The following DNAAF11 variants were observed in gnomAD, a reference collection of about 807,000 sequenced individuals.
DNAAF11 encodes the protein dynein axonemal assembly factor 11.
Under a neutral mutation model 60.8 loss-of-function variants are expected in DNAAF11, and 45 were observed. That is an observed-to-expected ratio of 0.74 (90% CI 0.58 to 0.95). The LOEUF is 0.95. DNAAF11 is among the 40% of genes least tolerant of loss of function. The pLI is 0.00. For synonymous variants in DNAAF11, 191 were observed against 183.5 expected (o/e 1.04, Z -0.33); for missense variants, 546 against 546.2 (o/e 1.00, Z 0.00).
At chr8:132,634,194 ATGGGCTGCAGATT>A (rs2130480155) in intron 4 of DNAAF11, among the ~76,000 whole-genome samples, 1 of 152,330 alleles carries the variant, frequency 6.6e-6, no homozygotes, top group African/African-American at 2.4e-5. Flanking sequence ...GTTGCTATAG[ATGGGCTGCAGATT>A]TGGTTCTGAG....
the DNAAF11 span, among the ~76,000 whole-genome samples, chr8:132,699,456 A>T: frequency 0.42 from 63,735 of 151,876 alleles, 15,486 homozygotes; most frequent in African/African-American, 0.68. Flanking sequence ...AAGGAAGCCA[A>T]GTGGCCTGAT....
chr8:132,653,199 T>C (rs758391515), intron 3 of DNAAF11, among the ~76,000 whole-genome samples: 33 of 151,778 alleles, frequency 2.2e-4, no homozygotes, highest in Admixed American at 3.9e-4. Flanking sequence ...GAAAAGATAA[T>C]AGGTAGATGG....
the DNAAF11 span, among the ~76,000 whole-genome samples, chr8:132,697,578 A>G: frequency 6.6e-6 from 1 of 151,866 alleles, no homozygotes; most frequent in South Asian, 2.1e-4. Flanking sequence ...AGATTTTGCC[A>G]CTGCACCCCA....
At chr8:132,621,234 C>T (rs1819730396) in intron 7 of DNAAF11, among the ~76,000 whole-genome samples, 1 of 152,122 alleles carries the variant, frequency 6.6e-6, no homozygotes, top group Admixed American at 6.5e-5. Flanking sequence ...AGTGAACCCT[C>T]CACTTCAGTT....
rs867995678 is a variant in DNAAF11, at chr8:132,674,127, G to C, written c.10+1357C>G. ...GGAGGAGGAGCAGGAGGAGGAGGAG[G>C]AGGAGGAGAAGGAGGAGGAAGAGGA... On this transcript the variant is annotated intron_variant, in intron 1 of 11. Coordinates refer to ENST00000620350, the MANE Select transcript of DNAAF11 (RefSeq NM_012472.6). 7.7e-3 allele frequency among the ~76,000 whole-genome samples: 986 copies of C among 128,866 alleles called. 12 individuals carry two copies. The highest frequency in any genetic ancestry group is 0.03 in the African/African-American group (764 of 25,282). 84.5% of individuals were successfully genotyped at this position (128,866 alleles called of 152,430 possible).
At chr8:132,681,144 G>A in the DNAAF11 span, among the ~76,000 whole-genome samples, 1 of 147,262 alleles carries the variant, frequency 6.8e-6, no homozygotes, top group African/African-American at 2.5e-5. Context: ...CCAAGTAGCT[G>A]GGATTAAAGG....
intron 10 of DNAAF11, among the ~76,000 whole-genome samples, chr8:132,584,958 C>T (rs16904708): frequency 0.026 from 4,012 of 152,228 alleles, 204 homozygotes; most frequent in African/African-American, 0.091. Context: ...TAACACTAAG[C>T]CACATTCTCC....
chr8:132,696,878 G>A, the DNAAF11 span, among the ~76,000 whole-genome samples: 1 of 152,144 alleles, frequency 6.6e-6, no homozygotes, highest in East Asian at 1.9e-4. Context: ...AGCAGACACT[G>A]AGGCCACTTG....
intron 3 of DNAAF11, among the ~76,000 whole-genome samples, chr8:132,654,235 A>C (rs1323176057): frequency 1.3e-5 from 2 of 152,116 alleles, no homozygotes; most frequent in Non-Finnish European, 2.9e-5. Flanking sequence ...AAAATATTAT[A>C]AACATATATG....
Position 132,613,479 on chromosome 8 carries a change from C to A in DNAAF11, c.974+1559G>T, listed in dbSNP as rs747684740. Among the ~76,000 whole-genome samples, 5 of 152,104 alleles carry A rather than the reference C, an allele frequency of 3.3e-5. 1 individual carries two copies. The highest frequency in any genetic ancestry group is 6.5e-5 in the Admixed American group (1 of 15,270). ...ATTAATATGAAATATCCCAAATAGGCAAATCTATAGAGACAGAAAACAGAT... is the reference window on the plus strand; with the variant it reads ...ATTAATATGAAATATCCCAAATAGGAAAATCTATAGAGACAGAAAACAGAT... On this transcript the variant is annotated intron_variant, in intron 8 of 11. Transcript: ENST00000620350.
chr8:132,669,479 G>C (rs1173317709), intron 1 of DNAAF11, among the ~76,000 whole-genome samples: 1 of 152,214 alleles, frequency 6.6e-6, no homozygotes, highest in Admixed American at 6.5e-5. Flanking sequence ...AGAAATGTGA[G>C]AGAAACTGTA....
At chr8:132,700,041 G>A in the DNAAF11 span, among the ~76,000 whole-genome samples, 25 of 152,130 alleles carry the variant, frequency 1.6e-4, no homozygotes, top group African/African-American at 5.3e-4. Context: ...ACAGTGTTGT[G>A]GTTCACAACA....
the DNAAF11 span, among the ~76,000 whole-genome samples, chr8:132,700,762 T>C: frequency 6.6e-6 from 1 of 151,976 alleles, no homozygotes; most frequent in African/African-American, 2.4e-5. Context: ...GTCCCCAAGG[T>C]TTGGGGTCTG....
At chr8:132,687,235 T>C in the DNAAF11 span, among the ~76,000 whole-genome samples, 2 of 152,230 alleles carry the variant, frequency 1.3e-5, no homozygotes, top group African/African-American at 2.4e-5. Flanking sequence ...ATATTTACAG[T>C]TATTTCCATT....
the DNAAF11 span, among the ~76,000 whole-genome samples, chr8:132,701,938 A>G: frequency 5.3e-5 from 8 of 152,148 alleles, no homozygotes; most frequent in Non-Finnish European, 1.2e-4. Flanking sequence ...CTTGCAGCCA[A>G]GATAATTTTC....
intron 10 of DNAAF11, among the ~76,000 whole-genome samples, chr8:132,595,706 T>C (rs1429465958): frequency 6.6e-6 from 1 of 152,206 alleles, no homozygotes; most frequent in Non-Finnish European, 1.5e-5. Context: ...CTTTACATTG[T>C]GTTCTATTTC....
chr8:132,612,796 A>G (rs943109242), intron 8 of DNAAF11, among the ~76,000 whole-genome samples: 1 of 152,168 alleles, frequency 6.6e-6, no homozygotes, highest in Non-Finnish European at 1.5e-5. Flanking sequence ...ATGTGCCCAT[A>G]AAGATAACCA....
At chr8:132,589,513 T>C (rs1157790880) in intron 10 of DNAAF11, among the ~76,000 whole-genome samples, 3 of 152,222 alleles carry the variant, frequency 2.0e-5, no homozygotes, top group Non-Finnish European at 2.9e-5. Context: ...AGTGGAGTGA[T>C]AGCTTTTGAA....
At chr8:132,665,986 A>G (rs934336030) in intron 1 of DNAAF11, among the ~76,000 whole-genome samples, 4 of 152,246 alleles carry the variant, frequency 2.6e-5, no homozygotes, top group Admixed American at 6.5e-5. Flanking sequence ...AAGTGAATTC[A>G]TGCACGAACA....
Sources: gnomAD v4.1 joint callset for allele counts (sites outside exome capture counted in the v4.1 genomes callset) on GRCh38, gnomAD v4.1.1 for gene constraint, MANE v1.5 for transcripts, NCBI Gene and HGNC (gene_info 2026-07-23, HGNC 2026-07-21) for gene names.